Variants in KIAA1549L observed in about 807,000 individuals in gnomAD.
KIAA1549L encodes the protein KIAA1549 like, also known as UPF0606 protein KIAA1549L.
In KIAA1549L, 88 loss-of-function variants were observed where a neutral mutation model predicts 160.7. The ratio of observed to expected loss-of-function variants is 0.55; its 90% confidence interval spans 0.46 to 0.65. The LOEUF (loss-of-function observed/expected upper bound fraction) is 0.65, where lower values mean the gene tolerates loss of function less well. KIAA1549L is among the 30% of genes least tolerant of loss of function. KIAA1549L has a pLI of 0.00. For missense variants in KIAA1549L, 2,258 were observed against 2,437.5 expected (o/e 0.93, Z 1.55); for synonymous variants, 950 against 976.7 (o/e 0.97, Z 0.51).
chr11:33,560,034 G>T, intron 7 of KIAA1549L, 123 bp downstream of exon 7: 2 of 927,530 alleles, frequency 2.2e-6, no homozygotes, highest in South Asian at 3.1e-5. Flanking sequence ...GCTAAAATAT[G>T]TGATGGATTA....
In KIAA1549L at chr11:33,505,941, G is replaced by T. The variant is rs150983128; in HGVS notation, c.239-35861G>T. Among the ~76,000 whole-genome samples the T allele has an allele frequency of 2.4e-3, 361 of 152,256 alleles. 3 individuals are homozygous for T. Among genetic ancestry groups the T allele is most frequent in the African/African-American group, 8.2e-3 (339 of 41,536 alleles). On this transcript the variant is annotated intron_variant, in intron 1 of 20. Coordinates refer to ENST00000658780, the MANE Select transcript of KIAA1549L (RefSeq NM_012194.3). ...AAGCTAATTACCATAATTACTCAGGGTAAATTATGTATATCATATGGTATC... is the reference window on the plus strand; with the variant it reads ...AAGCTAATTACCATAATTACTCAGGTTAAATTATGTATATCATATGGTATC...
At position 33,545,382 on chromosome 11, in the gene KIAA1549L, T is replaced by C; in HGVS notation, c.3385+4T>C. On this transcript the variant is annotated splice_donor_region_variant and intron_variant, in intron 3 of 20. Coordinates refer to ENST00000658780, the MANE Select transcript of KIAA1549L (RefSeq NM_012194.3). ...AGTAAGCTCCTGGTGAAGACAGGTA[T>C]GAGACCACTGTTCTGATCTGAAAGC... is the stretch of plus-strand genomic sequence containing the variant. 2 of 1,601,908 alleles carry C rather than the reference T, an allele frequency of 1.2e-6. No homozygotes were observed. Among genetic ancestry groups the C allele is most frequent in the Non-Finnish European group, 1.7e-6 (2 of 1,177,490 alleles).
At chr11:33,433,298 C>T (rs899783882) in intron 1 of KIAA1549L, among the ~76,000 whole-genome samples, 2 of 152,134 alleles carry the variant, frequency 1.3e-5, no homozygotes, top group African/African-American at 4.8e-5. Flanking sequence ...TGAACAGACA[C>T]GTATCAAAAG....
intron 1 of KIAA1549L, among the ~76,000 whole-genome samples, chr11:33,434,949 C>T (rs1851324597): frequency 2.6e-5 from 4 of 152,140 alleles, no homozygotes; most frequent in Admixed American, 1.3e-4. Context: ...TATAAAGCAG[C>T]TTGTATAATC....
chr11:33,433,020 A>G (rs549543434), intron 1 of KIAA1549L, among the ~76,000 whole-genome samples: 39 of 152,394 alleles, frequency 2.6e-4, no homozygotes, highest in African/African-American at 9.1e-4. Flanking sequence ...GGACATAGGC[A>G]TGGGCAAAGA....
At chr11:33,593,702 G>C (rs758751693) in intron 12 of KIAA1549L, among the ~76,000 whole-genome samples, 2 of 152,178 alleles carry the variant, frequency 1.3e-5, no homozygotes, top group Non-Finnish European at 2.9e-5. Context: ...TTATTGTGTT[G>C]GGGGATACTG....
intron 10 of KIAA1549L, among the ~76,000 whole-genome samples, chr11:33,575,754 A>G (rs902895336): frequency 6.6e-6 from 1 of 152,200 alleles, no homozygotes; most frequent in Admixed American, 6.5e-5. Context: ...GAAAAGTACC[A>G]AGTGTGCTTG....
chr11:33,460,718 C>T (rs1024390397), intron 1 of KIAA1549L, among the ~76,000 whole-genome samples: 1 of 152,194 alleles, frequency 6.6e-6, no homozygotes, highest in Non-Finnish European at 1.5e-5. Flanking sequence ...AAAATAATTC[C>T]TTTACCTATG....
intron 1 of KIAA1549L, among the ~76,000 whole-genome samples, chr11:33,435,759 G>GAGAGAGATATATAT (rs1429879805): frequency 6.7e-5 from 1 of 14,994 alleles, no homozygotes; most frequent in Non-Finnish European, 1.1e-4. Flanking sequence ...GAACCAATAA[G>GAGAGAGATATATAT]ATATATATAT....
chr11:33,430,045 T>TCCTTCCTTCCTTCCTCCCTCCCTC (rs538132465), intron 1 of KIAA1549L, among the ~76,000 whole-genome samples: 1 of 128,894 alleles, frequency 7.8e-6, no homozygotes. Flanking sequence ...CTTCCTTCCT[T>TCCTTCCTTCCTTCCTCCCTCCCTC]CCTCCCTTCC....
In KIAA1549L at chr11:33,545,053, C is replaced by T. The variant is rs1312410998; in HGVS notation, c.3060C>T (p.Ser1020=). The change falls in exon 3 of 21, where the codon AGC becomes AGT. Residue 1020 remains serine (S), a synonymous_variant. Coordinates refer to ENST00000658780, the MANE Select transcript of KIAA1549L (RefSeq NM_012194.3). ...YMYARTGHTT[S]THTAMQGNMD... is the part of the protein sequence containing the mutation. ...ATGCAAGAACAGGACATACCACGAG[C>T]ACACATACAGCCATGCAAGGAAACA... The T allele has an allele frequency of 1.2e-6, 2 of 1,613,886 alleles. No homozygotes were observed. The highest frequency in any genetic ancestry group is 2.7e-5 in the African/African-American group (2 of 74,926).
chr11:33,563,618 C>T (rs1242863266), intron 8 of KIAA1549L, among the ~76,000 whole-genome samples: 1 of 152,172 alleles, frequency 6.6e-6, no homozygotes, highest in Admixed American at 6.5e-5. Context: ...GCATTTCTTT[C>T]CCTCTGCTGC....
chr11:33,665,092 T>G (rs1852396595), intron 20 of KIAA1549L: 1 of 152,308 alleles, frequency 6.6e-6, no homozygotes, highest in Non-Finnish European at 1.5e-5. Context: ...ACTCTTCTTT[T>G]TGTACTGTTA....
intron 20 of KIAA1549L, among the ~76,000 whole-genome samples, chr11:33,664,757 G>A (rs1309063771): frequency 6.6e-6 from 1 of 152,236 alleles, no homozygotes; most frequent in Admixed American, 6.5e-5. Context: ...CTCGGACTTT[G>A]CAGCCTCTAG....
intron 1 of KIAA1549L, among the ~76,000 whole-genome samples, chr11:33,441,482 T>G (rs1369737060): frequency 1.1e-4 from 12 of 104,722 alleles, no homozygotes; most frequent in Non-Finnish European, 2.4e-4. Flanking sequence ...TCTAGATCCC[T>G]GAGGAATCGC....
chr11:33,439,521 G>A (rs1163038914), intron 1 of KIAA1549L, among the ~76,000 whole-genome samples: 2 of 151,422 alleles, frequency 1.3e-5, no homozygotes, highest in East Asian at 3.9e-4. Context: ...TCCTGCCTCA[G>A]CCTCCGGAGT....
chr11:33,476,750 GA>G (rs2133038642), intron 1 of KIAA1549L, among the ~76,000 whole-genome samples: 1 of 152,282 alleles, frequency 6.6e-6, no homozygotes, highest in Admixed American at 6.5e-5. Context: ...TGTCCCCTTA[GA>G]GGGGCACAAA....
intron 11 of KIAA1549L, among the ~76,000 whole-genome samples, chr11:33,586,297 G>C (rs993462675): frequency 2.0e-5 from 3 of 152,226 alleles, no homozygotes; most frequent in Admixed American, 2.0e-4. Flanking sequence ...ATGCTAAGCA[G>C]AGGAGGTGAG....
chr11:33,621,191 G>A (rs1040337514), intron 16 of KIAA1549L, among the ~76,000 whole-genome samples: 1 of 152,168 alleles, frequency 6.6e-6, no homozygotes, highest in Non-Finnish European at 1.5e-5. Flanking sequence ...GCAAATACGT[G>A]CTACACAGGC....
Sources: gnomAD v4.1 joint callset for allele counts (sites outside exome capture counted in the v4.1 genomes callset) on GRCh38, gnomAD v4.1.1 for gene constraint, MANE v1.5 for transcripts, NCBI Gene and HGNC (gene_info 2026-07-23, HGNC 2026-07-21) for gene names.